The following APBA1 variants were observed in gnomAD, a reference collection of about 807,000 sequenced individuals.
The protein encoded by APBA1 is amyloid-beta A4 precursor protein-binding family A member 1.
Under a neutral mutation model 86.6 loss-of-function variants are expected in APBA1, and 55 were observed. That is an observed-to-expected ratio of 0.64 (90% CI 0.51 to 0.80). APBA1 has a LOEUF of 0.80. APBA1 is among the 30% of genes least tolerant of loss of function. The pLI, the probability that APBA1 is intolerant of heterozygous loss-of-function variation, is 0.00. For synonymous variants in APBA1, 511 were observed against 493.9 expected (o/e 1.03, Z -0.46); for missense variants, 1,090 against 1,183.0 (o/e 0.92, Z 1.15).
chr9:69,553,484 G>A (rs1299069842), intron 1 of APBA1, among the ~76,000 whole-genome samples: 1 of 152,092 alleles, frequency 6.6e-6, no homozygotes, highest in South Asian at 2.1e-4. Context: ...ACTCTTTTGT[G>A]TCTGGCTTTA....
At chr9:69,521,295 G>T (rs984118965) in intron 1 of APBA1, among the ~76,000 whole-genome samples, 1 of 152,078 alleles carries the variant, frequency 6.6e-6, no homozygotes, top group African/African-American at 2.4e-5. Context: ...ACTTCATCCC[G>T]CACCCTGCAT....
In APBA1 at chr9:69,430,823, C is replaced by T. The variant is rs1047501407; in HGVS notation, c.*504G>A. 1.3e-5 allele frequency: 2 copies of T among 153,310 alleles called. No individual in the cohort carries two copies. Among genetic ancestry groups the T allele is most frequent in the Non-Finnish European group, 2.9e-5 (2 of 68,562 alleles). 9.5% of individuals were successfully genotyped at this position (153,310 alleles called of 1,614,324 possible). ...TTCTGGGAAGAAATAATGTATGGTG[C>T]CCCAACTACATGGCAGGCAGTGCAT... On this transcript the variant is annotated 3_prime_UTR_variant, in exon 13 of 13. Transcript: ENST00000265381.
intron 2 of APBA1, among the ~76,000 whole-genome samples, chr9:69,484,051 A>T (rs1319204857): frequency 8.6e-5 from 13 of 151,990 alleles, no homozygotes. Flanking sequence ...TCCCCCAAGT[A>T]ATTTTCTGTC....
chr9:69,494,256 C>G (rs974637864), intron 2 of APBA1: 2 of 152,028 alleles, frequency 1.3e-5, no homozygotes, highest in African/African-American at 2.4e-5. Context: ...CTAAAATATT[C>G]TAACCATTTT....
intron 3 of APBA1, among the ~76,000 whole-genome samples, chr9:69,475,087 G>C (rs1456010549): frequency 6.6e-6 from 1 of 152,186 alleles, no homozygotes; most frequent in Non-Finnish European, 1.5e-5. Context: ...TCATTAGCAG[G>C]TGTGGGTGGC....
intron 11 of APBA1, among the ~76,000 whole-genome samples, chr9:69,437,121 T>A (rs1387430013): frequency 6.6e-6 from 1 of 151,908 alleles, no homozygotes; most frequent in Non-Finnish European, 1.5e-5. Flanking sequence ...ATCCCAGGGA[T>A]GAAGCCCACT....
intron 8 of APBA1, among the ~76,000 whole-genome samples, chr9:69,453,255 T>G (rs1189291998): frequency 2.0e-5 from 3 of 152,196 alleles, no homozygotes; most frequent in Non-Finnish European, 2.9e-5. Context: ...AATGGGTCAT[T>G]AATAAGATAT....
chr9:69,453,409 T>G (rs1333527079), intron 8 of APBA1, among the ~76,000 whole-genome samples: 1 of 152,194 alleles, frequency 6.6e-6, no homozygotes, highest in Non-Finnish European at 1.5e-5. Flanking sequence ...TGGCACTGGC[T>G]TCTACACTGG....
chr9:69,528,480 GA>G (rs1461388792), intron 1 of APBA1, among the ~76,000 whole-genome samples: 3 of 151,954 alleles, frequency 2.0e-5, no homozygotes, highest in Non-Finnish European at 4.4e-5. Flanking sequence ...AAATTTTACA[GA>G]AAACTCAAGA....
chr9:69,657,396 G>T (rs1823634094), intron 1 of APBA1, among the ~76,000 whole-genome samples: 1 of 152,208 alleles, frequency 6.6e-6, no homozygotes, highest in Non-Finnish European at 1.5e-5. Context: ...TTACTATTCA[G>T]TTCCAAAGAT....
intron 1 of APBA1, among the ~76,000 whole-genome samples, chr9:69,625,558 G>C (rs770840623): frequency 1.3e-5 from 2 of 152,070 alleles, no homozygotes; most frequent in Non-Finnish European, 2.9e-5. Flanking sequence ...GAGGTTGCCT[G>C]ATTAATGTTC....
chr9:69,451,744 T>C (rs944884901), intron 9 of APBA1, among the ~76,000 whole-genome samples: 1 of 152,168 alleles, frequency 6.6e-6, no homozygotes, highest in Non-Finnish European at 1.5e-5. Context: ...CTTCTCTGTT[T>C]GTCCAAGTGT....
intron 1 of APBA1, 85 bp from the exon 2 acceptor site, chr9:69,517,364 G>A: frequency 1.6e-6 from 2 of 1,257,444 alleles, no homozygotes; most frequent in Admixed American, 7.5e-5. Context: ...AAAAACAACT[G>A]CTATTGATTC....
chr9:69,611,315 A>C (rs904023824), intron 1 of APBA1, among the ~76,000 whole-genome samples: 13 of 151,060 alleles, frequency 8.6e-5, no homozygotes, highest in South Asian at 2.1e-4. Flanking sequence ...CAAAAAAAAA[A>C]CCCAAACCGG....
chr9:69,658,304 C>CTCTCTCTTTCTTTCTTTCTT (rs1362898788), intron 1 of APBA1, among the ~76,000 whole-genome samples: 1 of 79,944 alleles, frequency 1.3e-5, no homozygotes, highest in African/African-American at 4.8e-5. Flanking sequence ...TTCTCTCTCT[C>CTCTCTCTTTCTTTCTTTCTT]TCTTTCTTTC....
chr9:69,640,400 A>G (rs1418838764), intron 1 of APBA1, among the ~76,000 whole-genome samples: 1 of 152,072 alleles, frequency 6.6e-6, no homozygotes, highest in Non-Finnish European at 1.5e-5. Context: ...GAAGTTTAGA[A>G]TTGCTGGGAG....
intron 1 of APBA1, among the ~76,000 whole-genome samples, chr9:69,631,324 A>G (rs1022027871): frequency 2.6e-5 from 4 of 152,236 alleles, no homozygotes; most frequent in Admixed American, 1.3e-4. Flanking sequence ...ATCACTGGCC[A>G]TCAGAGAAAT....
At chr9:69,600,114 A>G (rs1822317281) in intron 1 of APBA1, among the ~76,000 whole-genome samples, 1 of 152,316 alleles carries the variant, frequency 6.6e-6, no homozygotes, top group South Asian at 2.1e-4. Context: ...GACCAGGAAG[A>G]GAGGCTATTT....
chr9:69,663,138 T>G (rs1823783982), intron 1 of APBA1, among the ~76,000 whole-genome samples: 1 of 152,248 alleles, frequency 6.6e-6, no homozygotes, highest in Non-Finnish European at 1.5e-5. Context: ...ATGCAGAGAT[T>G]ACTTCAGTGG....
Sources: gnomAD v4.1 joint callset for allele counts (sites outside exome capture counted in the v4.1 genomes callset) on GRCh38, gnomAD v4.1.1 for gene constraint, MANE v1.5 for transcripts, NCBI Gene and HGNC (gene_info 2026-07-23, HGNC 2026-07-21) for gene names.